The following CD1B variants were observed in gnomAD, a reference collection of about 807,000 sequenced individuals.
The protein encoded by CD1B is CD1b molecule.
CD1B carries 43 observed loss-of-function variants against 39.8 expected under a neutral mutation model. The ratio of observed to expected loss-of-function variants is 1.08; its 90% CI spans 0.85 to 1.39. The LOEUF is 1.39. Ranked by LOEUF, CD1B falls within the 40% of genes most tolerant of loss-of-function variation. CD1B has a pLI of 0.00. For missense variants in CD1B, 495 were observed against 403.8 expected, an observed-to-expected ratio of 1.23 and a Z score of -1.94; for synonymous variants, 192 against 152.5, an observed-to-expected ratio of 1.26 and a Z score of -1.91.
At chr1:158,308,387 A>G in the CD1B span, among the ~76,000 whole-genome samples, 4 of 152,190 alleles carry the variant, frequency 2.6e-5, no homozygotes, top group South Asian at 2.1e-4. Flanking sequence ...AATCAATATC[A>G]TGAAAATGGC....
At chr1:158,327,659 A>G (rs1428491510), downstream of CD1B, among the ~76,000 whole-genome samples, 1 of 152,212 alleles carries the variant, frequency 6.6e-6, no homozygotes, top group Non-Finnish European at 1.5e-5. Flanking sequence ...GAAGGGGAGG[A>G]AAAACAAAAA....
At chr1:158,311,616 G>A in the CD1B span, among the ~76,000 whole-genome samples, 10,854 of 151,964 alleles carry the variant, frequency 0.071, 523 homozygotes, top group African/African-American at 0.14. Flanking sequence ...TCTTCTTGTA[G>A]TTTCACAATT....
chr1:158,301,297 G>T, the CD1B span, among the ~76,000 whole-genome samples: 1 of 152,006 alleles, frequency 6.6e-6, no homozygotes, highest in Non-Finnish European at 1.5e-5. Context: ...TATATTTAAG[G>T]TTAATATTAA....
chr1:158,302,985 G>T, the CD1B span, among the ~76,000 whole-genome samples: 2 of 151,966 alleles, frequency 1.3e-5, no homozygotes, highest in Non-Finnish European at 2.9e-5. Flanking sequence ...AATAAAAAAA[G>T]AAAACATTAG....
the CD1B span, among the ~76,000 whole-genome samples, chr1:158,311,832 T>C: frequency 1.1e-4 from 16 of 152,220 alleles, no homozygotes; most frequent in Non-Finnish European, 1.9e-4. Flanking sequence ...TTCTGGGTTA[T>C]ATATTCTGTT....
chr1:158,318,874 T>C, the CD1B span, among the ~76,000 whole-genome samples: 1 of 152,180 alleles, frequency 6.6e-6, no homozygotes, highest in Admixed American at 6.5e-5. Context: ...GACAAAATCT[T>C]TCAGCATTTG....
the CD1B span, among the ~76,000 whole-genome samples, chr1:158,322,136 C>A: frequency 6.6e-6 from 1 of 152,106 alleles, no homozygotes; most frequent in Non-Finnish European, 1.5e-5. Flanking sequence ...TTTTAGTTAT[C>A]ATTTTTAAGA....
rs73027866 is a variant in CD1B at position 158,328,703 on chromosome 1, C to T, written c.980+218G>A. On this transcript the variant is annotated intron_variant, in intron 5 of 5. Transcript: ENST00000368168. ...TGTGAACACACTTAACACCACTGAA[C>T]TGTACACTTAAAAATGGTAAAGATG... 5.9e-3 allele frequency among the ~76,000 whole-genome samples: 892 copies of T among 152,216 alleles called. 4 individuals carry two copies. Among genetic ancestry groups the T allele is most frequent in the African/African-American group, 0.02 (847 of 41,522 alleles).
At chr1:158,306,787 C>T in the CD1B span, among the ~76,000 whole-genome samples, 5 of 152,232 alleles carry the variant, frequency 3.3e-5, no homozygotes, top group South Asian at 2.1e-4. Flanking sequence ...CACTCAAAGC[C>T]GCTCAACTAC....
At chr1:158,304,326 C>T in the CD1B span, among the ~76,000 whole-genome samples, 2,981 of 152,240 alleles carry the variant, frequency 0.02, 98 homozygotes, top group African/African-American at 0.067. Context: ...CCTATGCCCA[C>T]GGAGCCTCAC....
At chr1:158,302,983 A>C in the CD1B span, among the ~76,000 whole-genome samples, 1 of 152,134 alleles carries the variant, frequency 6.6e-6, no homozygotes, top group East Asian at 1.9e-4. Context: ...ACAATAAAAA[A>C]AGAAAACATT....
At chr1:158,315,170 T>C in the CD1B span, among the ~76,000 whole-genome samples, 9 of 152,102 alleles carry the variant, frequency 5.9e-5, no homozygotes, top group African/African-American at 1.7e-4. Context: ...GGGTATATAC[T>C]CAGTAATGGG....
the CD1B span, among the ~76,000 whole-genome samples, chr1:158,300,489 A>G: frequency 6.6e-6 from 1 of 152,144 alleles, no homozygotes; most frequent in African/African-American, 2.4e-5. Context: ...GTAGATGTCT[A>G]TTAGGTCTGC....
the CD1B span, among the ~76,000 whole-genome samples, chr1:158,315,523 ATTTG>A: frequency 2.0e-5 from 3 of 151,432 alleles, no homozygotes; most frequent in Non-Finnish European, 1.5e-5. Flanking sequence ...TTTCTTGTAA[ATTTG>A]TTTGAGTTCA....
the CD1B span, among the ~76,000 whole-genome samples, chr1:158,322,905 T>G: frequency 6.6e-6 from 1 of 152,214 alleles, no homozygotes; most frequent in Non-Finnish European, 1.5e-5. Flanking sequence ...TTTGCTTCTT[T>G]TCTATTACTG....
the CD1B span, among the ~76,000 whole-genome samples, chr1:158,319,862 G>T: frequency 2.6e-5 from 4 of 152,190 alleles, no homozygotes; most frequent in Non-Finnish European, 4.4e-5. Context: ...CTTTCTGTTT[G>T]TTAGTTTTCC....
the CD1B span, among the ~76,000 whole-genome samples, chr1:158,306,079 CAAT>C: frequency 0.015 from 2,213 of 152,156 alleles, 54 homozygotes; most frequent in African/African-American, 0.048. Flanking sequence ...TCACACATAA[CAAT>C]ATTAACTTTA....
At chr1:158,322,419 T>G in the CD1B span, among the ~76,000 whole-genome samples, 6 of 133,680 alleles carry the variant, frequency 4.5e-5, no homozygotes, top group African/African-American at 1.9e-4. Context: ...TTTTTTCTGT[T>G]TTTTTTTTTT....
At chr1:158,325,937 C>T (rs1652336149), downstream of CD1B, among the ~76,000 whole-genome samples, 1 of 152,010 alleles carries the variant, frequency 6.6e-6, no homozygotes, top group Non-Finnish European at 1.5e-5. Flanking sequence ...TATAATAAAA[C>T]CTGAATCTGA....
Sources: gnomAD v4.1 joint callset for allele counts (sites outside exome capture counted in the v4.1 genomes callset) on GRCh38, gnomAD v4.1.1 for gene constraint, MANE v1.5 for transcripts, NCBI Gene and HGNC (gene_info 2026-07-23, HGNC 2026-07-21) for gene names.